The following PON2 variants were observed in gnomAD, a reference collection of about 807,000 sequenced individuals.
PON2 encodes serum paraoxonase/arylesterase 2.
A neutral mutation model predicts 36.6 loss-of-function variants in PON2; 27 were observed. The ratio of observed to expected loss-of-function variants is 0.74; its 90% CI spans 0.54 to 1.02. The LOEUF (loss-of-function observed/expected upper bound fraction) is 1.02. Among genes scored for constraint, PON2 ranks in the 50% least tolerant of loss-of-function variants. The pLI is 0.00. For missense variants in PON2, 363 were observed against 421.1 expected, an observed-to-expected ratio of 0.86 and a Z score of 1.21; for synonymous variants, 149 against 156.3, an observed-to-expected ratio of 0.95 and a Z score of 0.35.
chr7:95,405,095 T>G lies in PON2; in HGVS notation c.*235A>C, dbSNP rs1053164775. 13 of 476,624 alleles carry G rather than the reference T, an allele frequency of 2.7e-5. No individual in the cohort carries two copies. The highest frequency in any genetic ancestry group is 2.1e-4 in the African/African-American group (11 of 51,290). 29.5% of individuals were successfully genotyped at this position (476,624 alleles called of 1,614,324 possible). On this transcript the variant is annotated 3_prime_UTR_variant, in exon 9 of 9. Transcript: ENST00000222572. Reference sequence around the variant, plus strand: ...TTACTTTGTGCAAAATGTATTCACTTTATTCGAAAGCAGCTTTCTTTTCTG... The same window carrying G: ...TTACTTTGTGCAAAATGTATTCACTGTATTCGAAAGCAGCTTTCTTTTCTG...
At chr7:95,423,344 A>T (rs961758494) in intron 2 of PON2, among the ~76,000 whole-genome samples, 3 of 150,470 alleles carry the variant, frequency 2.0e-5, no homozygotes, top group African/African-American at 4.9e-5. Flanking sequence ...AAAAAAAATT[A>T]AAATTTAAAA....
At position 95,405,040 on chromosome 7, in the gene PON2, G is replaced by T; in HGVS notation, c.*290C>A. The T allele has an allele frequency of 2.9e-6, 1 of 346,454 alleles. No individual in the cohort carries two copies. The highest frequency in any genetic ancestry group is 3.3e-5 in the South Asian group (1 of 30,564). The allele number at this position is 346,454 out of a possible 1,614,324, so 21.5% of individuals were successfully genotyped here. A position where few individuals can be genotyped will look rare whatever the true frequency, so the allele number is the denominator to read the frequency against. On this transcript the variant is annotated 3_prime_UTR_variant, in exon 9 of 9. Coordinates refer to ENST00000222572, the MANE Select transcript of PON2 (RefSeq NM_000305.3). Reference sequence around the variant, plus strand: ...TTCACTCTATTTCAGTGGAATCCATGTTCTGGCAGTTGGAAGGCAAAGGTG... The same window carrying T: ...TTCACTCTATTTCAGTGGAATCCATTTTCTGGCAGTTGGAAGGCAAAGGTG...
At chr7:95,430,718 C>T (rs1287286793) in intron 1 of PON2, among the ~76,000 whole-genome samples, 1 of 151,654 alleles carries the variant, frequency 6.6e-6, no homozygotes, top group East Asian at 1.9e-4. Flanking sequence ...TATGATTGTG[C>T]TGCTGCACTC....
intron 1 of PON2, among the ~76,000 whole-genome samples, chr7:95,428,540 C>T (rs1789366386): frequency 6.6e-6 from 1 of 152,112 alleles, no homozygotes; most frequent in African/African-American, 2.4e-5. Context: ...ACTTTTCTAT[C>T]GCATTTCAGT....
chr7:95,405,182 A>T lies in PON2; in HGVS notation c.*148T>A. The T allele has an allele frequency of 1.2e-6, 1 of 807,818 alleles. No homozygotes were observed. The highest frequency in any genetic ancestry group is 2.7e-5 in the East Asian group (1 of 36,850). 50.0% of individuals were successfully genotyped at this position (807,818 alleles called of 1,614,324 possible). On this transcript the variant is annotated 3_prime_UTR_variant, in exon 9 of 9. Transcript: ENST00000222572. The stretch of plus-strand genomic sequence containing the variant: ...CCTTTTTTGTTAAAAGTGCTCTAAG[A>T]ACTAAAAGGGCCGTTCCTTACTGGA...
At chr7:95,411,800 A>G in intron 4 of PON2, 21 bp from the exon 5 acceptor site, 1 of 1,612,514 alleles carries the variant, frequency 6.2e-7, no homozygotes, top group South Asian at 1.1e-5. Context: ...GAAAGAACAG[A>G]GTTAATTTAC....
At chr7:95,429,261 C>T (rs1395528482) in intron 1 of PON2, among the ~76,000 whole-genome samples, 10 of 150,754 alleles carry the variant, frequency 6.6e-5, no homozygotes, top group Admixed American at 2.0e-4. Flanking sequence ...TCAATTCCCA[C>T]CTATAAGTGA....
intron 2 of PON2, among the ~76,000 whole-genome samples, chr7:95,417,952 T>C (rs566123120): frequency 3.2e-4 from 49 of 152,332 alleles, no homozygotes; most frequent in African/African-American, 1.2e-3. Context: ...CAAAATTGTA[T>C]ATTTTTTAAT....
chr7:95,407,173 C>A, intron 6 of PON2, 105 bp from the exon 7 acceptor site: 2 of 726,036 alleles, frequency 2.8e-6, no homozygotes, highest in South Asian at 1.8e-5. Context: ...GTTAATCAAT[C>A]ATGGGCCCTC....
At chr7:95,424,370 G>C (rs571722948) in intron 2 of PON2, 145 bp downstream of exon 2, 50 of 694,320 alleles carry the variant, frequency 7.2e-5, no homozygotes, top group Non-Finnish European at 1.0e-4. Context: ...ATCAGATCAA[G>C]AGGTTGACCA....
intron 2 of PON2, among the ~76,000 whole-genome samples, chr7:95,421,685 G>C (rs1268638441): frequency 2.0e-5 from 3 of 152,160 alleles, no homozygotes; most frequent in Non-Finnish European, 4.4e-5. Context: ...CAGCCAACCA[G>C]TCTAGGGGAG....
intron 1 of PON2, among the ~76,000 whole-genome samples, chr7:95,426,631 C>T (rs1046700358): frequency 6.6e-6 from 1 of 152,180 alleles, no homozygotes; most frequent in Non-Finnish European, 1.5e-5. Flanking sequence ...TGCCATGACC[C>T]TTGGCAGGTC....
chr7:95,411,218 T>C (rs1788914692), intron 5 of PON2, among the ~76,000 whole-genome samples: 1 of 152,124 alleles, frequency 6.6e-6, no homozygotes, highest in Non-Finnish European at 1.5e-5. Context: ...ATGAAAGCGA[T>C]TGGTATAAAG....
chr7:95,405,298 A>G lies in PON2; in HGVS notation c.*32T>C. The G allele has an allele frequency of 6.2e-7, 1 of 1,606,074 alleles. No individual in the cohort carries two copies. ...AGCAATTCATAGAAAATTAATTGTTAAGTTATCGCACTTTCATGCCAAAAG... is the reference window on the plus strand; with the variant it reads ...AGCAATTCATAGAAAATTAATTGTTGAGTTATCGCACTTTCATGCCAAAAG... On this transcript the variant is annotated 3_prime_UTR_variant, in exon 9 of 9. Transcript: ENST00000222572.
At chr7:95,406,269 A>G in intron 7 of PON2, 22 bp from the exon 8 acceptor site, 2 of 1,604,920 alleles carry the variant, frequency 1.2e-6, no homozygotes, top group Non-Finnish European at 1.7e-6. Flanking sequence ...GAAATTGTCA[A>G]AATCTAAATG....
chr7:95,420,860 G>A (rs2116487397), intron 2 of PON2, among the ~76,000 whole-genome samples: 1 of 152,120 alleles, frequency 6.6e-6, no homozygotes, highest in South Asian at 2.1e-4. Flanking sequence ...TCTTATCAAA[G>A]ACCTGTGAAT....
intron 7 of PON2, 67 bp from the exon 8 acceptor site, chr7:95,406,314 C>T (rs1420541420): frequency 2.8e-5 from 43 of 1,511,054 alleles, no homozygotes; most frequent in Admixed American, 6.7e-5. Context: ...TTAGAGGTAA[C>T]CTTCCTGCCT....
chr7:95,423,754 CG>C (rs1789247649), intron 2 of PON2, among the ~76,000 whole-genome samples: 1 of 152,044 alleles, frequency 6.6e-6, no homozygotes, highest in Non-Finnish European at 1.5e-5. Context: ...TACCTGAGAC[CG>C]GGTAATTTAT....
intron 1 of PON2, among the ~76,000 whole-genome samples, chr7:95,428,734 C>T (rs1010125303): frequency 1.3e-5 from 2 of 152,082 alleles, no homozygotes; most frequent in Admixed American, 6.5e-5. Context: ...TTTTATTTTA[C>T]TCATTTAAAA....
Sources: allele counts gnomAD v4.1 joint callset (sites outside exome capture counted in the v4.1 genomes callset), GRCh38; gene constraint gnomAD v4.1.1; transcripts MANE v1.5; gene names NCBI Gene and HGNC (gene_info 2026-07-23, HGNC 2026-07-21).